Variants in CACNA1D observed in about 807,000 individuals in gnomAD.
The protein encoded by CACNA1D is calcium voltage-gated channel subunit alpha1 D, also known as voltage-dependent L-type calcium channel subunit alpha-1D.
Under a neutral mutation model 257.1 loss-of-function variants are expected in CACNA1D, and 55 were observed. The ratio of observed to expected loss-of-function variants is 0.21; its 90% CI spans 0.17 to 0.27. CACNA1D has a LOEUF of 0.27. CACNA1D is among the 10% of genes least tolerant of loss of function. The pLI, the probability that CACNA1D is intolerant of heterozygous loss-of-function variation, is 1.00. For synonymous variants in CACNA1D, 980 were observed against 1,014.9 expected (o/e 0.97, Z 0.65); for missense variants, 1,876 against 2,784.0 (o/e 0.67, Z 7.34).
intron 3 of CACNA1D, among the ~76,000 whole-genome samples, chr3:53,600,582 C>CTATG (rs1242965118): frequency 6.6e-6 from 1 of 152,194 alleles, no homozygotes; most frequent in Non-Finnish European, 1.5e-5. Flanking sequence ...TTCTTGCTGA[C>CTATG]TATGGTTCCA....
At chr3:53,736,019 T>C (rs980602593) in intron 20 of CACNA1D, among the ~76,000 whole-genome samples, 1 of 152,084 alleles carries the variant, frequency 6.6e-6, no homozygotes, top group Non-Finnish European at 1.5e-5. Flanking sequence ...AGGGAGATGA[T>C]AGGATGTCAA....
intron 3 of CACNA1D, among the ~76,000 whole-genome samples, chr3:53,521,721 G>A (rs1051668820): frequency 6.6e-6 from 1 of 152,134 alleles, no homozygotes; most frequent in African/African-American, 2.4e-5. Flanking sequence ...TCTTCCAGAA[G>A]GTACACTATA....
At chr3:53,582,277 A>G (rs1426743158) in intron 3 of CACNA1D, among the ~76,000 whole-genome samples, 1 of 152,128 alleles carries the variant, frequency 6.6e-6, no homozygotes, top group Non-Finnish European at 1.5e-5. Flanking sequence ...CAACTAGGCT[A>G]TACTGTGGAA....
intron 3 of CACNA1D, among the ~76,000 whole-genome samples, chr3:53,516,921 C>T (rs1313376818): frequency 6.6e-6 from 1 of 152,204 alleles, no homozygotes; most frequent in African/African-American, 2.4e-5. Context: ...TTCACTGTTG[C>T]AGTGCTGTGC....
intron 8 of CACNA1D, among the ~76,000 whole-genome samples, chr3:53,682,224 T>C (rs948909571): frequency 2.6e-5 from 4 of 151,766 alleles, no homozygotes; most frequent in African/African-American, 7.3e-5. Flanking sequence ...GATGCAGAGA[T>C]AGGTGATAAA....
intron 8 of CACNA1D, among the ~76,000 whole-genome samples, chr3:53,691,656 G>C (rs968968608): frequency 8.1e-6 from 1 of 122,846 alleles, no homozygotes. Context: ...CTGTGTGAGT[G>C]TGTGTGTGTG....
chr3:53,518,688 C>T (rs895831491), intron 3 of CACNA1D, among the ~76,000 whole-genome samples: 1 of 152,152 alleles, frequency 6.6e-6, no homozygotes, highest in Non-Finnish European at 1.5e-5. Flanking sequence ...TGACCTTACT[C>T]CCCGTCTTTT....
At position 53,805,049 on chromosome 3, in the gene CACNA1D, C is replaced by T. The variant is rs776400979; in HGVS notation, c.5652C>T (p.Tyr1884=). ...TCGACTCTGAGAGGCCCCGAGGCTACCATCATCCCCAAGGATTCTTGGAGG... is the reference window on the plus strand; with the variant it reads ...TCGACTCTGAGAGGCCCCGAGGCTATCATCATCCCCAAGGATTCTTGGAGG... ...RNIDSERPRG[Y]HHPQGFLEDD... The change falls in exon 45 of 48, where the codon TAC becomes TAT. Residue 1884 remains tyrosine (Y), a synonymous_variant. Transcript: ENST00000350061. 1 of 1,614,046 alleles carries T rather than the reference C, an allele frequency of 6.2e-7. No homozygotes were observed. The highest frequency in any genetic ancestry group is 8.5e-7 in the Non-Finnish European group (1 of 1,179,968).
Position 53,673,679 on chromosome 3 carries a change from G to T in CACNA1D, c.1220+553G>T, listed in dbSNP as rs916252888. On this transcript the variant is annotated intron_variant, in intron 8 of 47. Transcript: ENST00000350061. This position sits in a 1 kb window ranked among gnomAD's most constrained non-coding sequence, Gnocchi z 4.1. The stretch of plus-strand genomic sequence containing the variant: ...CTGGGGCTCTGCTCTTTAGTAAATG[G>T]ATAACTGATAACTGATCTCCTTACA... 6.7e-7 allele frequency: 1 copy of T among 1,485,902 alleles called. No individual in the cohort carries two copies. 92.0% of individuals were successfully genotyped at this position (1,485,902 alleles called of 1,614,324 possible).
intron 3 of CACNA1D, among the ~76,000 whole-genome samples, chr3:53,635,726 G>A (rs929818918): frequency 1.3e-5 from 2 of 152,112 alleles, no homozygotes; most frequent in African/African-American, 4.8e-5. Context: ...ACTCCATCCT[G>A]CCTTCTGCTA....
At chr3:53,643,459 AGCCCAGCCTGAATGT>A (rs2093984814) in intron 3 of CACNA1D, among the ~76,000 whole-genome samples, 1 of 151,886 alleles carries the variant, frequency 6.6e-6, no homozygotes, top group African/African-American at 2.4e-5. Context: ...TGTCTCAGCA[AGCCCAGCCTGAATGT>A]GCACGATGGC....
intron 8 of CACNA1D, among the ~76,000 whole-genome samples, chr3:53,695,956 GT>G (rs1559529481): frequency 1.3e-5 from 2 of 152,022 alleles, no homozygotes; most frequent in African/African-American, 4.8e-5. Context: ...GTTTTCGTTA[GT>G]TTTTTTGTTT....
intron 14 of CACNA1D, among the ~76,000 whole-genome samples, chr3:53,726,000 T>G (rs1299772180): frequency 6.6e-6 from 1 of 152,238 alleles, no homozygotes; most frequent in East Asian, 1.9e-4. Flanking sequence ...TAAATTTACA[T>G]GAGACATTTA....
At chr3:53,709,627 C>A (rs2094728285) in intron 9 of CACNA1D, among the ~76,000 whole-genome samples, 1 of 152,184 alleles carries the variant, frequency 6.6e-6, no homozygotes, top group African/African-American at 2.4e-5. Flanking sequence ...GCACAACCCT[C>A]CCCTAGAGCA....
intron 9 of CACNA1D, 94 bp downstream of exon 9, chr3:53,702,904 G>C: frequency 2.2e-6 from 3 of 1,349,100 alleles, no homozygotes; most frequent in Non-Finnish European, 3.1e-6. Flanking sequence ...CCCAGGCTGT[G>C]AGTGGGACAG....
rs139495504 is a variant in CACNA1D, at chr3:53,668,453, C to T, written c.1116+1918C>T. Among the ~76,000 whole-genome samples the T allele has an allele frequency of 3.7e-3, 567 of 152,256 alleles. 13 individuals are homozygous for T. The highest frequency in any genetic ancestry group is 0.034 in the East Asian group (176 of 5,188). ...ATTTTTATTATTAATATGACAATCA[C>T]GTGGTTAATACTTTGACAGTATAAT... On this transcript the variant is annotated intron_variant, in intron 7 of 47. Transcript: ENST00000350061.
At chr3:53,576,000 T>G (rs2093030907) in intron 3 of CACNA1D, among the ~76,000 whole-genome samples, 1 of 152,158 alleles carries the variant, frequency 6.6e-6, no homozygotes, top group Non-Finnish European at 1.5e-5. Flanking sequence ...CAGGCTTTAG[T>G]TGGGAAGAGA....
chr3:53,583,067 C>T (rs1037400143), intron 3 of CACNA1D, among the ~76,000 whole-genome samples: 4 of 152,300 alleles, frequency 2.6e-5, no homozygotes, highest in African/African-American at 9.6e-5. Context: ...TTCTCAGGCA[C>T]AGCTCACTGA....
chr3:53,620,262 C>T (rs2093681355), intron 3 of CACNA1D, among the ~76,000 whole-genome samples: 1 of 152,054 alleles, frequency 6.6e-6, no homozygotes, highest in South Asian at 2.1e-4. Context: ...TTAATTTCTA[C>T]CGTTAGAACC....
Sources: gnomAD v4.1 joint callset for allele counts (sites outside exome capture counted in the v4.1 genomes callset) on GRCh38, gnomAD v4.1.1 for gene constraint, Gnocchi (gnomAD v3.1) non-coding constraint, MANE v1.5 for transcripts, NCBI Gene and HGNC (gene_info 2026-07-23, HGNC 2026-07-21) for gene names.